WDFY3: variants seen among roughly 807,000 people sequenced by gnomAD.
The protein encoded by WDFY3 is WD repeat and FYVE domain-containing protein 3.
In WDFY3, 66 loss-of-function variants were observed where a neutral mutation model predicts 409.6. The observed-to-expected ratio is 0.16, with a 90% CI of 0.13 to 0.20. WDFY3 has a LOEUF of 0.20. Ranked by LOEUF, WDFY3 falls within the 10% of genes least tolerant of loss-of-function variation. The pLI is 1.00. For synonymous variants in WDFY3, 1,521 were observed against 1,537.1 expected (o/e 0.99, Z 0.25); for missense variants, 3,031 against 4,298.1 (o/e 0.71, Z 8.24).
chr4:84,817,292 A>G, intron 13 of WDFY3, 100 bp downstream of exon 13: 1 of 1,462,362 alleles, frequency 6.8e-7, no homozygotes, highest in Admixed American at 2.1e-5. Context: ...GGTAATTTGG[A>G]TTTTTTTTAA....
intron 19 of WDFY3, among the ~76,000 whole-genome samples, chr4:84,795,275 AATTTC>A (rs1456281785): frequency 1.3e-5 from 2 of 152,190 alleles, no homozygotes; most frequent in South Asian, 2.1e-4. Context: ...ACATTAGAAC[AATTTC>A]ATCACTGAAG....
intron 2 of WDFY3, among the ~76,000 whole-genome samples, chr4:84,911,093 C>CTT (rs1292575486): frequency 6.6e-5 from 10 of 152,018 alleles, no homozygotes; most frequent in Non-Finnish European, 1.5e-4. Flanking sequence ...AAATTAAAGA[C>CTT]TTTAGTACAC....
At chr4:84,731,578 T>TA (rs906987861) in intron 44 of WDFY3, among the ~76,000 whole-genome samples, 1 of 152,164 alleles carries the variant, frequency 6.6e-6, no homozygotes, top group Non-Finnish European at 1.5e-5. Context: ...ACCCACCTGT[T>TA]AAAAAAATAA....
At chr4:84,690,350 T>G (rs182969988) in intron 61 of WDFY3, among the ~76,000 whole-genome samples, 156 bp downstream of exon 61, 8 of 152,292 alleles carry the variant, frequency 5.3e-5, no homozygotes, top group Non-Finnish European at 1.2e-4. Context: ...ATTTCCTTTT[T>G]TTTTCAAAAA....
chr4:84,797,152 G>T, intron 18 of WDFY3, among the ~76,000 whole-genome samples: 1 of 152,064 alleles, frequency 6.6e-6, no homozygotes, highest in Non-Finnish European at 1.5e-5. Flanking sequence ...CCATTAAAAT[G>T]AAAAGAAATA....
chr4:84,755,775 A>T (rs945474562), intron 33 of WDFY3, among the ~76,000 whole-genome samples: 6 of 151,992 alleles, frequency 3.9e-5, no homozygotes, highest in African/African-American at 1.5e-4. Flanking sequence ...CTTCTTTCCC[A>T]TTCTCAGCAG....
intron 25 of WDFY3, among the ~76,000 whole-genome samples, chr4:84,781,403 T>C (rs1280645825): frequency 1.3e-5 from 2 of 149,716 alleles, no homozygotes; most frequent in African/African-American, 4.9e-5. Context: ...TTTTTTTTTT[T>C]TTTTTTTGAG....
At chr4:84,737,832 C>A (rs1416749884) in intron 40 of WDFY3, among the ~76,000 whole-genome samples, 2 of 152,166 alleles carry the variant, frequency 1.3e-5, no homozygotes, top group Non-Finnish European at 2.9e-5. Context: ...GACTCCTCCT[C>A]CAGACCAGTC....
chr4:84,761,185 T>C (rs1268810088), intron 32 of WDFY3, among the ~76,000 whole-genome samples: 1 of 152,102 alleles, frequency 6.6e-6, no homozygotes, highest in African/African-American at 2.4e-5. Context: ...TTGTTATAAT[T>C]TCTGTTCTTT....
Position 84,724,573 on chromosome 4 carries a change from C to A in WDFY3, c.7294G>T (p.Ala2432Ser), listed in dbSNP as rs776579543. ...TACTCTTTACTGTCATAACTTACGGCTCTTCTATATCGAGCAGGTTTCTAA... is the reference window on the plus strand; with the variant it reads ...TACTCTTTACTGTCATAACTTACGGATCTTCTATATCGAGCAGGTTTCTAA... ...PQKKPARYRRAVSYDSKEYYM... is the reference protein window; with the variant it reads ...PQKKPARYRRSVSYDSKEYYM... The change falls in exon 46 of 68, where the codon GCC (alanine) becomes TCC (serine). Residue 2432 changes from alanine to serine, a missense_variant. Coordinates refer to ENST00000295888, the MANE Select transcript of WDFY3 (RefSeq NM_014991.6). 1.9e-6 allele frequency: 3 copies of A among 1,613,104 alleles called. No homozygotes were observed. Among genetic ancestry groups the A allele is most frequent in the Non-Finnish European group, 8.5e-7 (1 of 1,179,736 alleles).
In WDFY3 at chr4:84,900,934, T is replaced by C. The variant is rs746465490; in HGVS notation, c.-131-3924A>G. The stretch of plus-strand genomic sequence containing the variant: ...ATGAAACTGGGTAGTTTACAAATAA[T>C]AGAAATGTATTTCCTCATGGATCTG... On this transcript the variant is annotated intron_variant, in intron 2 of 67. Coordinates refer to ENST00000295888, the MANE Select transcript of WDFY3 (RefSeq NM_014991.6). Among the ~76,000 whole-genome samples the C allele has an allele frequency of 1.8e-4, 28 of 152,230 alleles. 1 individual carries two copies. The highest frequency in any genetic ancestry group is 1.4e-3 in the Admixed American group (21 of 15,282).
chr4:84,801,918 A>G, intron 16 of WDFY3, 54 bp from the exon 17 acceptor site: 2 of 1,552,248 alleles, frequency 1.3e-6, no homozygotes, highest in Non-Finnish European at 1.8e-6. Context: ...GAGAAAGATG[A>G]CAATTCTTTT....
chr4:84,741,782 A>G lies in WDFY3; in HGVS notation c.6213T>C (p.Phe2071=). The stretch of plus-strand genomic sequence containing the variant: ...TTACCTGTGCAATTAGTTGAATTAT[A>G]AAATCTATAAGAAGTTTAGATTCTT... ...FNKESKLLID[F]IIQLIAQSKR... The change falls in exon 38 of 68, where the codon TTT becomes TTC. Residue 2071 remains phenylalanine (F), a synonymous_variant. Transcript: ENST00000295888. 1 of 1,610,940 alleles carries G rather than the reference A, an allele frequency of 6.2e-7. No homozygotes were observed. The highest frequency in any genetic ancestry group is 8.5e-7 in the Non-Finnish European group (1 of 1,177,712).
At chr4:84,850,383 A>C (rs1758737595) in intron 4 of WDFY3, among the ~76,000 whole-genome samples, 3 of 151,996 alleles carry the variant, frequency 2.0e-5, no homozygotes. Flanking sequence ...TAGTGGCACG[A>C]TTTTGGCTCA....
chr4:84,711,427 C>A (rs2149002955), intron 51 of WDFY3, among the ~76,000 whole-genome samples: 1 of 151,894 alleles, frequency 6.6e-6, no homozygotes, highest in Non-Finnish European at 1.5e-5. Context: ...GAAAAATAGG[C>A]AAAAGATACG....
intron 1 of WDFY3, among the ~76,000 whole-genome samples, chr4:84,939,263 T>G (rs908279002): frequency 2.0e-5 from 3 of 152,204 alleles, no homozygotes; most frequent in Non-Finnish European, 4.4e-5. Context: ...TATGCAGTCT[T>G]GGCCAGAATA....
At chr4:84,798,289 A>G (rs1305444665) in intron 17 of WDFY3, among the ~76,000 whole-genome samples, 181 bp from the exon 18 acceptor site, 1 of 151,802 alleles carries the variant, frequency 6.6e-6, no homozygotes, top group East Asian at 1.9e-4. Flanking sequence ...TATATATCTG[A>G]CACATATTTT....
intron 6 of WDFY3, among the ~76,000 whole-genome samples, chr4:84,840,299 T>C (rs1044759746): frequency 1.3e-5 from 2 of 152,152 alleles, no homozygotes; most frequent in Non-Finnish European, 2.9e-5. Flanking sequence ...AAAAGCAATC[T>C]CCAGAATAAA....
intron 1 of WDFY3, among the ~76,000 whole-genome samples, chr4:84,949,335 T>C (rs1389162913): frequency 1.3e-5 from 2 of 152,160 alleles, no homozygotes; most frequent in Non-Finnish European, 2.9e-5. Flanking sequence ...AACAATAACA[T>C]AATATAGGAA....
Sources: gnomAD v4.1 joint callset for allele counts (sites outside exome capture counted in the v4.1 genomes callset) on GRCh38, gnomAD v4.1.1 for gene constraint, MANE v1.5 for transcripts, NCBI Gene and HGNC (gene_info 2026-07-23, HGNC 2026-07-21) for gene names.